Variants in SLC5A10 observed in about 807,000 individuals in gnomAD.
SLC5A10 encodes sodium/mannose cotransporter SLC5A10.
In SLC5A10, 55 loss-of-function variants were observed where a neutral mutation model predicts 68.9. The observed-to-expected ratio is 0.80, with a 90% confidence interval of 0.64 to 1.00. SLC5A10 has a LOEUF of 1.00. Ranked by LOEUF, SLC5A10 falls within the 50% of genes least tolerant of loss-of-function variation. The probability of loss-of-function intolerance (pLI) is 0.00; values close to 1 mark genes in which losing one functional copy is unlikely to be tolerated. For synonymous variants in SLC5A10, 344 were observed against 344.8 expected, an observed-to-expected ratio of 1.00 and a Z score of 0.02; for missense variants, 732 against 819.3, an observed-to-expected ratio of 0.89 and a Z score of 1.30.
At chr17:19,010,251 G>A (rs945546552) in intron 9 of SLC5A10, among the ~76,000 whole-genome samples, 2 of 152,220 alleles carry the variant, frequency 1.3e-5, no homozygotes, top group Non-Finnish European at 2.9e-5. Context: ...TAATCAAACA[G>A]GACTGGGCAT....
At chr17:18,987,926 G>A (rs1265793875) in intron 9 of SLC5A10, among the ~76,000 whole-genome samples, 2 of 152,252 alleles carry the variant, frequency 1.3e-5, no homozygotes, top group Non-Finnish European at 2.9e-5. Flanking sequence ...CCAGAGGTAT[G>A]CAAGCAAACA....
chr17:18,977,728 G>A, intron 9 of SLC5A10: 1 of 1,608,250 alleles, frequency 6.2e-7, no homozygotes, highest in Non-Finnish European at 8.5e-7. Flanking sequence ...TCAGCTGCCG[G>A]CGCGGTGGTG....
intron 9 of SLC5A10, chr17:18,978,110 T>C (rs762545969): frequency 6.6e-7 from 1 of 1,517,618 alleles, no homozygotes. Flanking sequence ...ATCACTGCTG[T>C]CCCGGGCTAG....
At position 19,017,426 on chromosome 17, in the gene SLC5A10, C is replaced by A; in HGVS notation, c.1242-1997C>A. 6.5e-7 allele frequency: 1 copy of A among 1,537,840 alleles called. No homozygotes were observed. Among genetic ancestry groups the A allele is most frequent in the South Asian group, 1.2e-5 (1 of 83,722 alleles). ...TGAATGGCCTGACAACAGTCTCTGTCAGGGAGAGGCGAGGCTTACAGAGAG... is the reference window on the plus strand; with the variant it reads ...TGAATGGCCTGACAACAGTCTCTGTAAGGGAGAGGCGAGGCTTACAGAGAG... On this transcript the variant is annotated intron_variant, in intron 11 of 14. Coordinates refer to ENST00000395645, the MANE Select transcript of SLC5A10 (RefSeq NM_001042450.4). The surrounding 1 kb of genome is among the most constrained non-coding windows in gnomAD (Gnocchi z 5.6).
At chr17:18,972,372 C>A (rs992592794) in intron 8 of SLC5A10, among the ~76,000 whole-genome samples, 1 of 152,198 alleles carries the variant, frequency 6.6e-6, no homozygotes, top group African/African-American at 2.4e-5. Context: ...CTCACACAAG[C>A]CTTTCCCACG....
In SLC5A10 at chr17:18,978,225, T is replaced by G. The variant is rs370215402; in HGVS notation, c.982+1236T>G. The stretch of plus-strand genomic sequence containing the variant: ...GCTGGGACACCGTCCTGGGGGGCAC[T>G]GGGCTCTGGGGGAGGGCAAGGCTCT... On this transcript the variant is annotated intron_variant, in intron 9 of 14. Coordinates refer to ENST00000395645, the MANE Select transcript of SLC5A10 (RefSeq NM_001042450.4). 2.5e-6 allele frequency: 4 copies of G among 1,582,638 alleles called. No homozygotes were observed. The African/African-American group carries it at 5.4e-5, about 21-fold the overall frequency.
rs750417254 is a variant in SLC5A10 at position 19,013,403 on chromosome 17, C to T, written c.983-7C>T. 15 of 1,606,228 alleles carry T rather than the reference C, an allele frequency of 9.3e-6. No individual in the cohort carries two copies. Among genetic ancestry groups the T allele is most frequent in the Admixed American group, 1.7e-5 (1 of 59,234 alleles). ...GGAGAGACACCAAGTGTCCGTCTCT[C>T]GAACAGATGATGTGGGCTGCGTGGT... On this transcript the variant is annotated splice_region_variant and splice_polypyrimidine_tract_variant and intron_variant, in intron 9 of 14. Coordinates refer to ENST00000395645, the MANE Select transcript of SLC5A10 (RefSeq NM_001042450.4).
intron 5 of SLC5A10, among the ~76,000 whole-genome samples, chr17:18,964,275 T>C (rs1342428382): frequency 6.6e-6 from 1 of 152,126 alleles, no homozygotes; most frequent in Non-Finnish European, 1.5e-5. Flanking sequence ...TCAGCTCGTT[T>C]TTTCTGCGAA....
At chr17:19,007,523 C>T (rs764618795) in intron 9 of SLC5A10, among the ~76,000 whole-genome samples, 4 of 152,202 alleles carry the variant, frequency 2.6e-5, no homozygotes, top group African/African-American at 4.8e-5. Flanking sequence ...CCACTTCAGC[C>T]TCCTGAGTAG....
intron 9 of SLC5A10, among the ~76,000 whole-genome samples, chr17:19,007,976 T>C (rs558732716): frequency 9.1e-4 from 138 of 152,108 alleles, no homozygotes; most frequent in African/African-American, 3.1e-3. Flanking sequence ...AGGTTAGAGG[T>C]TTTCTTGAAA....
At chr17:18,997,185 G>A (rs955490139) in intron 9 of SLC5A10, among the ~76,000 whole-genome samples, 4 of 152,260 alleles carry the variant, frequency 2.6e-5, no homozygotes, top group African/African-American at 2.4e-5. Context: ...TGCCCAGAGC[G>A]CTCTGACCAG....
At chr17:18,978,818 T>C in intron 9 of SLC5A10, 1 of 1,612,778 alleles carries the variant, frequency 6.2e-7, no homozygotes, top group South Asian at 1.1e-5. Context: ...AGAGATCACA[T>C]TCCGGTCCGT....
rs377320056 is a variant in SLC5A10 at position 18,983,301 on chromosome 17, G to A, written c.982+6312G>A. 3.1e-4 allele frequency among the ~76,000 whole-genome samples: 47 copies of A among 152,342 alleles called. 1 individual carries two copies. Among genetic ancestry groups the A allele is most frequent in the African/African-American group, 1.0e-3 (43 of 41,580 alleles). On this transcript the variant is annotated intron_variant, in intron 9 of 14. Transcript: ENST00000395645. ...TGAGGCATCACTATGGCCATGGGGCGCTCGAGGCCCAGAGAGGTGGAACCA... is the reference window on the plus strand; with the variant it reads ...TGAGGCATCACTATGGCCATGGGGCACTCGAGGCCCAGAGAGGTGGAACCA...
rs184604014 is a variant in SLC5A10 at position 18,957,915 on chromosome 17, T to A, written c.112-767T>A. On this transcript the variant is annotated intron_variant, in intron 1 of 14. Transcript: ENST00000395645. Reference sequence around the variant, plus strand: ...CTGCCTCCCAGCCCCTGGCAACAACTCATCTGCTTTCTGTCTCTATAAATT... The same window carrying A: ...CTGCCTCCCAGCCCCTGGCAACAACACATCTGCTTTCTGTCTCTATAAATT... Among the ~76,000 whole-genome samples the A allele has an allele frequency of 3.3e-5, 5 of 152,318 alleles. No homozygotes were observed. The East Asian group carries it at 9.6e-4, about 29-fold the overall frequency.
intron 8 of SLC5A10, among the ~76,000 whole-genome samples, chr17:18,974,980 G>T (rs2042943665): frequency 6.6e-6 from 1 of 152,170 alleles, no homozygotes; most frequent in South Asian, 2.1e-4. Context: ...GGACTGGCAG[G>T]CCTCACAGCT....
intron 9 of SLC5A10, 173 bp from the exon 10 acceptor site, chr17:19,013,237 C>A: frequency 1.0e-6 from 1 of 965,718 alleles, no homozygotes; most frequent in Non-Finnish European, 1.5e-6. Context: ...TTTTCAGAGG[C>A]CATGCCCTCC....
At chr17:18,992,412 T>C (rs2043450555) in intron 9 of SLC5A10, among the ~76,000 whole-genome samples, 1 of 152,210 alleles carries the variant, frequency 6.6e-6, no homozygotes, top group African/African-American at 2.4e-5. Flanking sequence ...CCGGAGCAGC[T>C]TGAGCTGGGA....
rs369195511 is a variant in SLC5A10, at chr17:18,952,172, C to T, written c.-34C>T. 1.0e-5 allele frequency: 16 copies of T among 1,599,176 alleles called. No individual in the cohort carries two copies. Among genetic ancestry groups the T allele is most frequent in the African/African-American group, 6.7e-5 (5 of 74,510 alleles). ...TGACCTGGTTTGCCCCTCAGTCCCT[C>T]GGGCTCATACCTAGTGCCTGCGGCA... is the stretch of plus-strand genomic sequence containing the variant. On this transcript the variant is annotated 5_prime_UTR_variant, in exon 1 of 15. Coordinates refer to ENST00000395645, the MANE Select transcript of SLC5A10 (RefSeq NM_001042450.4).
chr17:18,955,704 C>T (rs950890843), intron 1 of SLC5A10, among the ~76,000 whole-genome samples: 5 of 152,224 alleles, frequency 3.3e-5, no homozygotes, highest in African/African-American at 7.2e-5. Flanking sequence ...GCCTTTAGTA[C>T]AGCAAGATCA....
Sources: gnomAD v4.1 joint callset for allele counts (sites outside exome capture counted in the v4.1 genomes callset) on GRCh38, gnomAD v4.1.1 for gene constraint, Gnocchi (gnomAD v3.1) non-coding constraint, MANE v1.5 for transcripts, NCBI Gene and HGNC (gene_info 2026-07-23, HGNC 2026-07-21) for gene names.